CACNA1E: variants seen among roughly 807,000 people sequenced by gnomAD.
CACNA1E encodes the protein calcium voltage-gated channel subunit alpha1 E, also known as voltage-dependent R-type calcium channel subunit alpha-1E.
A neutral mutation model predicts 259.2 loss-of-function variants in CACNA1E; 40 were observed. That is an observed-to-expected ratio of 0.15 (90% CI 0.12 to 0.20). The LOEUF (loss-of-function observed/expected upper bound fraction) is 0.20, where lower values mean the gene tolerates loss of function less well. Ranked by LOEUF, CACNA1E falls within the 10% of genes least tolerant of loss-of-function variation. The pLI is 1.00. For missense variants in CACNA1E, 1,874 were observed against 3,040.1 expected, an observed-to-expected ratio of 0.62 and a Z score of 9.02; for synonymous variants, 1,104 against 1,138.5, an observed-to-expected ratio of 0.97 and a Z score of 0.61.
At chr1:181,344,785 C>T (rs527238693) in intron 1 of CACNA1E, among the ~76,000 whole-genome samples, 6 of 152,198 alleles carry the variant, frequency 3.9e-5, no homozygotes, top group East Asian at 1.9e-4. Flanking sequence ...CTGAGGCCCC[C>T]GGGCTGGCCA....
intron 2 of CACNA1E, among the ~76,000 whole-genome samples, chr1:181,474,711 T>C (rs954483786): frequency 3.0e-4 from 45 of 152,364 alleles, no homozygotes; most frequent in Non-Finnish European, 6.3e-4. Flanking sequence ...TATTATCTTA[T>C]GTTTAATTTT....
rs528010247 is a variant in CACNA1E, at chr1:181,758,541, A to T, written c.4495-217A>T. On this transcript the variant is annotated intron_variant, in intron 31 of 47. Coordinates refer to ENST00000367573, the MANE Select transcript of CACNA1E (RefSeq NM_001205293.3). This position sits in a 1 kb window ranked among gnomAD's most constrained non-coding sequence, Gnocchi z 4.2. ...CTCTAGGAAGACTGGCTGTTTTGCT[A>T]TTAAGTCTGGTGGGGCGTGGGTCTG... 6.6e-6 allele frequency among the ~76,000 whole-genome samples: 1 copy of T among 152,114 alleles called. No individual in the cohort carries two copies. Among genetic ancestry groups the T allele is most frequent in the Admixed American group, 6.6e-5 (1 of 15,266 alleles).
At chr1:181,635,431 T>G (rs1195892840) in intron 6 of CACNA1E, among the ~76,000 whole-genome samples, 2 of 152,180 alleles carry the variant, frequency 1.3e-5, no homozygotes, top group Non-Finnish European at 2.9e-5. Flanking sequence ...TCTGTCATCT[T>G]TCCTCCTCCC....
At chr1:181,375,535 C>T (rs774141259) in intron 1 of CACNA1E, among the ~76,000 whole-genome samples, 7 of 152,166 alleles carry the variant, frequency 4.6e-5, no homozygotes, top group African/African-American at 1.2e-4. Context: ...GTGCTTACTT[C>T]GTCTATTCTA....
chr1:181,539,991 C>T (rs1476117499), intron 3 of CACNA1E, among the ~76,000 whole-genome samples: 1 of 152,098 alleles, frequency 6.6e-6, no homozygotes, highest in Middle Eastern at 3.2e-3. Context: ...CTATTTAGGT[C>T]CTCTTTGGTC....
intron 2 of CACNA1E, among the ~76,000 whole-genome samples, chr1:181,416,910 G>C (rs1658315881): frequency 6.6e-6 from 1 of 152,112 alleles, no homozygotes; most frequent in South Asian, 2.1e-4. Flanking sequence ...GCTGCTGGCA[G>C]TTCTTAGTGA....
chr1:181,541,022 T>G (rs1668542649), intron 3 of CACNA1E, among the ~76,000 whole-genome samples: 1 of 152,238 alleles, frequency 6.6e-6, no homozygotes, highest in South Asian at 2.1e-4. Context: ...ATAACATGAA[T>G]ATTCCCAAAT....
At chr1:181,637,047 A>G (rs963185234) in intron 6 of CACNA1E, among the ~76,000 whole-genome samples, 3 of 152,140 alleles carry the variant, frequency 2.0e-5, no homozygotes, top group African/African-American at 7.2e-5. Context: ...GAGTTTCCCA[A>G]TCTTTGTCTG....
intron 1 of CACNA1E, among the ~76,000 whole-genome samples, chr1:181,389,267 A>AG (rs1557963123): frequency 6.6e-6 from 1 of 152,218 alleles, no homozygotes; most frequent in African/African-American, 2.4e-5. Context: ...CATCATCAAC[A>AG]GAAGGTGCAA....
intron 27 of CACNA1E, among the ~76,000 whole-genome samples, chr1:181,754,830 G>A (rs144146133): frequency 6.6e-5 from 10 of 152,278 alleles, no homozygotes; most frequent in East Asian, 3.9e-4. Flanking sequence ...ATCTAAGAAC[G>A]TCACCAAATA....
At chr1:181,594,919 G>T (rs915620886) in intron 6 of CACNA1E, among the ~76,000 whole-genome samples, 22 of 152,190 alleles carry the variant, frequency 1.4e-4, no homozygotes, top group African/African-American at 4.8e-4. Context: ...ATCCTTTAAA[G>T]TTATGAACAT....
chr1:181,326,070 C>T (rs367886010), intron 1 of CACNA1E, among the ~76,000 whole-genome samples: 6 of 152,344 alleles, frequency 3.9e-5, no homozygotes, highest in South Asian at 2.1e-4. Context: ...ACACCCAGGC[C>T]GCTGCCAATC....
intron 44 of CACNA1E, 150 bp from the exon 45 acceptor site, chr1:181,793,515 C>A: frequency 1.4e-6 from 1 of 690,470 alleles, no homozygotes; most frequent in Non-Finnish European, 2.3e-6. Flanking sequence ...TGCACATAAA[C>A]ACACACACAC....
chr1:181,356,646 G>C (rs571860602), intron 1 of CACNA1E, among the ~76,000 whole-genome samples: 1 of 152,198 alleles, frequency 6.6e-6, no homozygotes, highest in African/African-American at 2.4e-5. Flanking sequence ...GGGCACTTAG[G>C]CTCTTCAGGC....
intron 3 of CACNA1E, among the ~76,000 whole-genome samples, chr1:181,539,962 C>G (rs929262924): frequency 6.6e-6 from 1 of 152,144 alleles, no homozygotes; most frequent in Non-Finnish European, 1.5e-5. Context: ...CCCAGTCTTA[C>G]AACAAATAAA....
At chr1:181,337,761 G>A (rs1295018832) in intron 1 of CACNA1E, among the ~76,000 whole-genome samples, 4 of 152,038 alleles carry the variant, frequency 2.6e-5, no homozygotes, top group Admixed American at 6.6e-5. Context: ...CTCATCCATC[G>A]GTAGACACTT....
At chr1:181,350,941 A>T (rs1375909823) in intron 1 of CACNA1E, among the ~76,000 whole-genome samples, 1 of 152,230 alleles carries the variant, frequency 6.6e-6, no homozygotes, top group Non-Finnish European at 1.5e-5. Flanking sequence ...CAACTGAAAA[A>T]AGGCAAACAA....
chr1:181,769,179 G>A (rs1337358204), intron 35 of CACNA1E, among the ~76,000 whole-genome samples: 1 of 152,042 alleles, frequency 6.6e-6, no homozygotes, highest in Non-Finnish European at 1.5e-5. Context: ...GGAGGTGTTG[G>A]TTAGAGACCT....
intron 6 of CACNA1E, among the ~76,000 whole-genome samples, chr1:181,646,571 C>T (rs1191605933): frequency 6.6e-6 from 1 of 152,208 alleles, no homozygotes. Context: ...TCCCAGGTTA[C>T]AGCTGCTCTG....
Sources: gnomAD v4.1 joint callset for allele counts (sites outside exome capture counted in the v4.1 genomes callset) on GRCh38, gnomAD v4.1.1 for gene constraint, Gnocchi (gnomAD v3.1) non-coding constraint, MANE v1.5 for transcripts, NCBI Gene and HGNC (gene_info 2026-07-23, HGNC 2026-07-21) for gene names.